Variants in WDR26 observed in about 807,000 individuals in gnomAD.
WDR26 encodes WD repeat domain 26, also known as WD repeat-containing protein 26.
A neutral mutation model predicts 84.1 loss-of-function variants in WDR26; 5 were observed. The ratio of observed to expected loss-of-function variants is 0.06; its 90% CI spans 0.03 to 0.13. The LOEUF is 0.13. Ranked by LOEUF, WDR26 falls within the 10% of genes least tolerant of loss-of-function variation. WDR26 has a pLI of 1.00. For synonymous variants in WDR26, 415 were observed against 389.6 expected, an observed-to-expected ratio of 1.07 and a Z score of -0.77; for missense variants, 642 against 974.9, an observed-to-expected ratio of 0.66 and a Z score of 4.55.
In WDR26 at chr1:224,421,251, G is replaced by GA. The variant is rs201213959; in HGVS notation, c.1065-1637dup. Among the ~76,000 whole-genome samples the GA allele has an allele frequency of 7.0e-3, 1,057 of 152,010 alleles. 5 individuals carry two copies. Among genetic ancestry groups the GA allele is most frequent in the African/African-American group, 0.01 (417 of 41,448 alleles). ...ATTATATGTTCTGACACAAGAGCAG[G>GA]AAAAAAATCATCATGTGAATGATAT... is the stretch of plus-strand genomic sequence containing the variant. On this transcript the variant is annotated intron_variant, in intron 4 of 13. Transcript: ENST00000414423.
At chr1:224,412,572 G>C (rs1329373271) in intron 6 of WDR26, among the ~76,000 whole-genome samples, 2 of 152,114 alleles carry the variant, frequency 1.3e-5, no homozygotes, top group Non-Finnish European at 2.9e-5. Flanking sequence ...AGCATTTTGT[G>C]ATTTATGATC....
Position 224,393,822 on chromosome 1 carries a change from T to C in WDR26, c.2260+6A>G. 1.3e-5 allele frequency: 20 copies of C among 1,529,384 alleles called. No individual in the cohort carries two copies. Among genetic ancestry groups the C allele is most frequent in the Non-Finnish European group, 1.8e-5 (20 of 1,118,808 alleles). 94.7% of individuals were successfully genotyped at this position (1,529,384 alleles called of 1,614,324 possible). ...AAAACATAGTAACATTATACAAAGG[T>C]ATTACCTTCAATATTCTGGTGGTCT... On this transcript the variant is annotated splice_donor_region_variant and intron_variant, in intron 13 of 13. Coordinates refer to ENST00000414423, the MANE Select transcript of WDR26 (RefSeq NM_001379403.1).
At chr1:224,416,231 C>CT (rs900427423) in intron 6 of WDR26, among the ~76,000 whole-genome samples, 90 of 145,356 alleles carry the variant, frequency 6.2e-4, no homozygotes, top group Non-Finnish European at 5.6e-4. Context: ...TTTTTTCTTT[C>CT]TTTTTTTTTT....
At chr1:224,419,440 T>C in intron 5 of WDR26, 78 bp downstream of exon 5, 1 of 1,094,208 alleles carries the variant, frequency 9.1e-7, no homozygotes, top group Non-Finnish European at 1.4e-6. Context: ...ATATTCCCCA[T>C]CTGTCTTCCT....
chr1:224,416,025 G>A (rs1212674023), intron 6 of WDR26, among the ~76,000 whole-genome samples: 3 of 152,060 alleles, frequency 2.0e-5, no homozygotes, highest in Non-Finnish European at 4.4e-5. Context: ...GGAAAAGTAA[G>A]GACAAAGACA....
At position 224,433,827 on chromosome 1, in the gene WDR26, T is replaced by G. The variant is rs1674494817; in HGVS notation, c.579A>C (p.Ala193=). 6.5e-7 allele frequency: 1 copy of G among 1,536,802 alleles called. No homozygotes were observed. The highest frequency in any genetic ancestry group is 8.7e-7 in the Non-Finnish European group (1 of 1,146,762). ...AGGCGGCGGTGGTGGCGGAGGCAGC[T>G]GCGACGGTGGCTGAGGATGCGGCGG... The change falls in exon 1 of 14, where the codon GCA becomes GCC. Residue 193 remains alanine (A), a synonymous_variant. Transcript: ENST00000414423.
chr1:224,386,424 T>C lies in WDR26; in HGVS notation c.*3411A>G, dbSNP rs1266402997. On this transcript the variant is annotated 3_prime_UTR_variant, in exon 14 of 14. Transcript: ENST00000414423. ...AAGAAACTGACATGGATATTTTCCC[T>C]TTCAAGAGATGTATGATATATTTAC... The C allele has an allele frequency of 6.6e-6, 1 of 152,628 alleles. No individual in the cohort carries two copies. Among genetic ancestry groups the C allele is most frequent in the Non-Finnish European group, 1.5e-5 (1 of 68,018 alleles). The allele number at this position is 152,628 out of a possible 1,614,324, so 9.5% of individuals were successfully genotyped here. A position where few individuals can be genotyped will look rare whatever the true frequency, so the allele number is the denominator to read the frequency against.
At chr1:224,427,580 CTA>C (rs894248805) in intron 3 of WDR26, among the ~76,000 whole-genome samples, 3 of 152,148 alleles carry the variant, frequency 2.0e-5, no homozygotes, top group East Asian at 1.9e-4. Flanking sequence ...GAGCATTTCT[CTA>C]TGAGTCATTT....
intron 6 of WDR26, among the ~76,000 whole-genome samples, chr1:224,414,388 G>T (rs1673832387): frequency 1.3e-5 from 2 of 152,136 alleles, no homozygotes; most frequent in Non-Finnish European, 2.9e-5. Flanking sequence ...TTACAGGTGT[G>T]AGCCACCATG....
At chr1:224,433,616 T>TCCCCCACCC in intron 1 of WDR26, 68 bp downstream of exon 1, 1 of 557,420 alleles carries the variant, frequency 1.8e-6, no homozygotes. Context: ...CTCCGCCCCT[T>TCCCCCACCC]CCCCTACCCC....
At chr1:224,424,848 C>T in intron 3 of WDR26, 194 bp from the exon 4 acceptor site, 1 of 635,240 alleles carries the variant, frequency 1.6e-6, no homozygotes, top group Admixed American at 2.8e-5. Context: ...CTCAATTCCA[C>T]ATCTTACTAA....
intron 6 of WDR26, among the ~76,000 whole-genome samples, chr1:224,415,444 T>C (rs1285164632): frequency 7.1e-6 from 1 of 140,626 alleles, no homozygotes; most frequent in Non-Finnish European, 1.5e-5. Context: ...CTGGAACACG[T>C]ATTTCTTTCT....
intron 8 of WDR26, 80 bp downstream of exon 8, chr1:224,404,345 TATATA>T: frequency 1.4e-6 from 2 of 1,456,176 alleles, no homozygotes; most frequent in Middle Eastern, 3.7e-4. Flanking sequence ...ATGGTTATAT[TATATA>T]AATCAATAAA....
intron 7 of WDR26, among the ~76,000 whole-genome samples, chr1:224,409,203 A>T (rs1673664823): frequency 6.6e-6 from 1 of 152,220 alleles, no homozygotes; most frequent in African/African-American, 2.4e-5. Context: ...GCTCATCACT[A>T]CTTCAAAATT....
chr1:224,424,753 C>T, intron 3 of WDR26, 99 bp from the exon 4 acceptor site: 1 of 1,470,346 alleles, frequency 6.8e-7, no homozygotes, highest in Middle Eastern at 1.8e-4. Flanking sequence ...TCTACTATGC[C>T]CTTTGAAATA....
At chr1:224,427,017 C>T (rs985203378) in intron 3 of WDR26, among the ~76,000 whole-genome samples, 3 of 143,638 alleles carry the variant, frequency 2.1e-5, no homozygotes, top group African/African-American at 8.0e-5. Context: ...GCAGGAGAAT[C>T]GATTGAAACT....
At chr1:224,433,253 C>T (rs1331840742) in intron 1 of WDR26, among the ~76,000 whole-genome samples, 2 of 152,118 alleles carry the variant, frequency 1.3e-5, no homozygotes, top group African/African-American at 4.8e-5. Context: ...CACAAAGATG[C>T]CTCCAAGATA....
At chr1:224,421,261 A>G (rs1674052866) in intron 4 of WDR26, among the ~76,000 whole-genome samples, 1 of 152,186 alleles carries the variant, frequency 6.6e-6, no homozygotes, top group Non-Finnish European at 1.5e-5. Context: ...GAAAAAAATC[A>G]TCATGTGAAT....
chr1:224,412,711 T>C (rs185363670), intron 6 of WDR26, among the ~76,000 whole-genome samples: 3 of 152,260 alleles, frequency 2.0e-5, no homozygotes, highest in African/African-American at 4.8e-5. Context: ...ACCTGTGTTA[T>C]CTAATATGGT....
Sources: gnomAD v4.1 joint callset for allele counts (sites outside exome capture counted in the v4.1 genomes callset) on GRCh38, gnomAD v4.1.1 for gene constraint, MANE v1.5 for transcripts, NCBI Gene and HGNC (gene_info 2026-07-23, HGNC 2026-07-21) for gene names.